SLC4A10: variants seen among roughly 807,000 people sequenced by gnomAD.
The protein encoded by SLC4A10 is solute carrier family 4 member 10, also known as sodium-driven chloride bicarbonate exchanger.
A neutral mutation model predicts 137.7 loss-of-function variants in SLC4A10; 42 were observed. The ratio of observed to expected loss-of-function variants is 0.30; its 90% confidence interval spans 0.24 to 0.39. The LOEUF (loss-of-function observed/expected upper bound fraction) is 0.39. Ranked by LOEUF, SLC4A10 falls within the 10% of genes least tolerant of loss-of-function variation. The probability of loss-of-function intolerance (pLI) is 1.00; values close to 1 mark genes in which losing one functional copy is unlikely to be tolerated. For missense variants in SLC4A10, 925 were observed against 1,355.0 expected (o/e 0.68, Z 4.98); for synonymous variants, 474 against 464.1 (o/e 1.02, Z -0.27).
Position 161,639,055 on chromosome 2 carries a change from A to G in SLC4A10, c.48+14489A>G, listed in dbSNP as rs962651851. Among the ~76,000 whole-genome samples the G allele has an allele frequency of 2.6e-5, 4 of 152,124 alleles. No homozygotes were observed. In the East Asian group the frequency reaches 7.7e-4, roughly 29 times the overall value. On this transcript the variant is annotated intron_variant, in intron 1 of 26. Transcript: ENST00000446997. Reference sequence around the variant, plus strand: ...AAGAAATGGATAAGTTCCTAGAAACATACAACCTGCCAAGACTGAATCATG... The same window carrying G: ...AAGAAATGGATAAGTTCCTAGAAACGTACAACCTGCCAAGACTGAATCATG...
chr2:161,724,825 A>G (rs1283880590), intron 1 of SLC4A10, among the ~76,000 whole-genome samples: 1 of 152,090 alleles, frequency 6.6e-6, no homozygotes, highest in East Asian at 1.9e-4. Context: ...ACATTCCCAC[A>G]TCACTGAAAC....
intron 6 of SLC4A10, among the ~76,000 whole-genome samples, chr2:161,870,521 A>G (rs2061053935): frequency 6.6e-6 from 1 of 151,832 alleles, no homozygotes; most frequent in African/African-American, 2.4e-5. Context: ...ATTTTACAGA[A>G]CATTCAATAA....
chr2:161,849,767 G>T (rs1231915626), intron 4 of SLC4A10, among the ~76,000 whole-genome samples: 1 of 152,084 alleles, frequency 6.6e-6, no homozygotes, highest in Non-Finnish European at 1.5e-5. Flanking sequence ...GATCATGGTG[G>T]ATTAGCTTTT....
chr2:161,660,998 G>A (rs532600510), intron 1 of SLC4A10, among the ~76,000 whole-genome samples: 1 of 151,730 alleles, frequency 6.6e-6, no homozygotes, highest in African/African-American at 2.4e-5. Context: ...TTATAAATAA[G>A]CTTTGATTAT....
chr2:161,735,373 A>G (rs998574434), intron 1 of SLC4A10, among the ~76,000 whole-genome samples: 1 of 151,996 alleles, frequency 6.6e-6, no homozygotes, highest in African/African-American at 2.4e-5. Context: ...GTCAAAGTAC[A>G]TAAACTTAAA....
intron 1 of SLC4A10, among the ~76,000 whole-genome samples, chr2:161,636,969 C>T (rs999202765): frequency 6.0e-5 from 9 of 149,540 alleles, no homozygotes; most frequent in African/African-American, 2.0e-4. Context: ...CTCCTGCCTC[C>T]GCCTCCCAAA....
intron 15 of SLC4A10, among the ~76,000 whole-genome samples, chr2:161,916,303 A>G (rs531042378): frequency 3.3e-5 from 5 of 152,342 alleles, no homozygotes; most frequent in Non-Finnish European, 7.3e-5. Flanking sequence ...CTAAAAAATC[A>G]TGGATTTATT....
chr2:161,634,991 T>A (rs1398182397), intron 1 of SLC4A10, among the ~76,000 whole-genome samples: 8 of 152,010 alleles, frequency 5.3e-5, no homozygotes, highest in Non-Finnish European at 1.2e-4. Flanking sequence ...AAGATAAAAA[T>A]AAAATATAAA....
chr2:161,851,950 C>T (rs968937197), intron 4 of SLC4A10, among the ~76,000 whole-genome samples: 3 of 152,088 alleles, frequency 2.0e-5, no homozygotes, highest in African/African-American at 7.2e-5. Context: ...AGTGCAGTGG[C>T]GTTATCATGG....
At chr2:161,981,841 C>T (rs981133082) in intron 26 of SLC4A10, among the ~76,000 whole-genome samples, 5 of 152,164 alleles carry the variant, frequency 3.3e-5, no homozygotes, top group African/African-American at 1.2e-4. Flanking sequence ...CAAACCCGGG[C>T]GCCATAGACA....
intron 1 of SLC4A10, among the ~76,000 whole-genome samples, chr2:161,669,128 T>C (rs912892273): frequency 6.6e-6 from 1 of 151,924 alleles, no homozygotes; most frequent in East Asian, 1.9e-4. Flanking sequence ...TATGACTATA[T>C]AACAATTTTG....
At chr2:161,860,184 T>C (rs2060354407) in intron 5 of SLC4A10, among the ~76,000 whole-genome samples, 1 of 152,192 alleles carries the variant, frequency 6.6e-6, no homozygotes, top group Admixed American at 6.5e-5. Flanking sequence ...ACAGTTATAC[T>C]TTGGAGAAGT....
chr2:161,780,721 A>G (rs1162485415), intron 2 of SLC4A10, among the ~76,000 whole-genome samples: 1 of 152,012 alleles, frequency 6.6e-6, no homozygotes. Context: ...TCAGGGAAAA[A>G]TTACTTTATT....
At chr2:161,846,992 G>A (rs530505652) in intron 4 of SLC4A10, among the ~76,000 whole-genome samples, 22 of 151,954 alleles carry the variant, frequency 1.4e-4, no homozygotes, top group African/African-American at 5.3e-4. Context: ...CAGCACTTTG[G>A]GTGGTCAGCT....
At chr2:161,758,766 C>T (rs1450264278) in intron 1 of SLC4A10, among the ~76,000 whole-genome samples, 1 of 151,858 alleles carries the variant, frequency 6.6e-6, no homozygotes, top group African/African-American at 2.4e-5. Flanking sequence ...ATCCTCATCC[C>T]CTTCTTACAA....
intron 13 of SLC4A10, 129 bp downstream of exon 13, chr2:161,904,307 C>CT: frequency 2.0e-6 from 2 of 979,042 alleles, no homozygotes; most frequent in Non-Finnish European, 2.9e-6. Context: ...GCAGATACAC[C>CT]TTATATGAAT....
At chr2:161,649,359 T>A (rs941784149) in intron 1 of SLC4A10, among the ~76,000 whole-genome samples, 6 of 152,166 alleles carry the variant, frequency 3.9e-5, no homozygotes, top group African/African-American at 1.2e-4. Flanking sequence ...AGACCTTGTC[T>A]CGAAAAAAAT....
At chr2:161,777,766 G>A (rs2052538251) in intron 2 of SLC4A10, among the ~76,000 whole-genome samples, 1 of 152,090 alleles carries the variant, frequency 6.6e-6, no homozygotes, top group Middle Eastern at 3.4e-3. Flanking sequence ...TCCTTTCACA[G>A]CATATGGGAT....
chr2:161,827,861 G>A (rs1271896640), intron 3 of SLC4A10, among the ~76,000 whole-genome samples: 1 of 152,116 alleles, frequency 6.6e-6, no homozygotes, highest in African/African-American at 2.4e-5. Context: ...CCCCGCGCCC[G>A]GCCAATATTT....
Sources: allele counts gnomAD v4.1 joint callset (sites outside exome capture counted in the v4.1 genomes callset), GRCh38; gene constraint gnomAD v4.1.1; transcripts MANE v1.5; gene names NCBI Gene and HGNC (gene_info 2026-07-23, HGNC 2026-07-21).